PKD1L3: variants seen among roughly 807,000 people sequenced by gnomAD.
PKD1L3 encodes the protein polycystin 1 like 3, transient receptor potential channel interacting.
PKD1L3 carries 239 observed loss-of-function variants against 184.1 expected under a neutral mutation model. The observed-to-expected ratio is 1.30, with a 90% confidence interval of 1.17 to 1.45. The LOEUF (loss-of-function observed/expected upper bound fraction) is 1.45. PKD1L3 is among the 40% of genes most tolerant of loss of function. PKD1L3 has a pLI of 0.00. For missense variants in PKD1L3, 2,660 were observed against 2,067.2 expected, an observed-to-expected ratio of 1.29 and a Z score of -5.56; for synonymous variants, 996 against 778.8, an observed-to-expected ratio of 1.28 and a Z score of -4.64.
Position 71,990,320 on chromosome 16 carries a change from T to A in PKD1L3, c.545A>T (p.His182Leu). The change falls in exon 4 of 30, where the codon CAT becomes CTT. Residue 182 changes from histidine (H) to leucine (L), a missense_variant. Coordinates refer to ENST00000620267, the MANE Select transcript of PKD1L3 (RefSeq NM_181536.2). ...ARDKMPPGPG[H>L]LPTTCHYPLP... The stretch of plus-strand genomic sequence containing the variant: ...AGGATAGTGACATGTGGTTGGAAGA[T>A]GACCAGGTCCTATAGAAAAAAGAAA... 6.5e-7 allele frequency: 1 copy of A among 1,548,114 alleles called. No homozygotes were observed. The highest frequency in any genetic ancestry group is 8.7e-7 in the Non-Finnish European group (1 of 1,144,218).
chr16:71,954,205 G>T lies in PKD1L3; in HGVS notation c.2709C>A (p.Val903=), dbSNP rs1386435625. 1.3e-6 allele frequency: 2 copies of T among 1,551,794 alleles called. No individual in the cohort carries two copies. The highest frequency in any genetic ancestry group is 3.9e-5 in the Admixed American group (2 of 50,930). The change falls in exon 17 of 30, where the codon GTC becomes GTA. Residue 903 remains valine (V), a synonymous_variant. Coordinates refer to ENST00000620267, the MANE Select transcript of PKD1L3 (RefSeq NM_181536.2). ...GTGTCATGCAGCAAGACAGCCGTTG[G>T]ACCCTTGTAAACTGGTTCCAGGGAT... ...TRHPWNQFTR[V]QRLSCCMTLL...
At chr16:71,932,827 T>C (rs2038032626) in intron 28 of PKD1L3, among the ~76,000 whole-genome samples, 1 of 143,620 alleles carries the variant, frequency 7.0e-6, no homozygotes, top group Non-Finnish European at 1.5e-5. Context: ...ACATAGGGTC[T>C]GGAGTGTAGT....
At chr16:71,969,470 T>TA (rs2039627974) in intron 13 of PKD1L3, among the ~76,000 whole-genome samples, 1 of 120,854 alleles carries the variant, frequency 8.3e-6, no homozygotes, top group African/African-American at 3.4e-5. Flanking sequence ...CATGCCAGGC[T>TA]CTTTTTTTTT....
At chr16:71,932,026 A>T (rs2037992602) in intron 28 of PKD1L3, among the ~76,000 whole-genome samples, 1 of 152,148 alleles carries the variant, frequency 6.6e-6, no homozygotes, top group Non-Finnish European at 1.5e-5. Context: ...CTACAGGTAC[A>T]TGCTACCATG....
rs1272292504 is a variant in PKD1L3 at position 71,949,978 on chromosome 16, T to C, written c.3423A>G (p.Gly1141=). The C allele has an allele frequency of 8.4e-6, 13 of 1,551,364 alleles. No individual in the cohort carries two copies. The highest frequency in any genetic ancestry group is 3.9e-5 in the Admixed American group (2 of 50,880). The part of the protein sequence containing the change: ...TSFAILSSEE[G]KKPISNGLSK... ...ACAGGCCATTTGAGATGGGCTTTTT[T>C]CCTTCTTCTGAGCTCAGGATGGCAA... Residue 1141 remains glycine (G), a synonymous_variant, in exon 21 of 30, where the codon GGA becomes GGG. Transcript: ENST00000620267.
rs1453267974 is a variant in PKD1L3 at position 71,979,835 on chromosome 16, G to A, written c.1349C>T (p.Ala450Val). The A allele has an allele frequency of 1.9e-5, 29 of 1,518,046 alleles. No individual in the cohort carries two copies. The highest frequency in any genetic ancestry group is 2.5e-5 in the Non-Finnish European group (28 of 1,138,860). The allele number at this position is 1,518,046 out of a possible 1,614,324, so 94.0% of individuals were successfully genotyped here. The change falls in exon 9 of 30, where the codon GCT (alanine) becomes GTT (valine). Residue 450 changes from alanine (A) to valine (V), a missense_variant. Transcript: ENST00000620267. ...PAPVRLGFPS[A>V]LALKELLNKH... ...ATTCAAGAGCTCCTTCAAAGCTAAA[G>A]CCGACGGAAAGCCTAGCCTCACAGG...
At chr16:71,977,933 C>G (rs962898061) in intron 10 of PKD1L3, among the ~76,000 whole-genome samples, 4 of 152,054 alleles carry the variant, frequency 2.6e-5, no homozygotes, top group Admixed American at 1.3e-4. Flanking sequence ...CACTGCCATG[C>G]CAGTTAATTT....
intron 15 of PKD1L3, among the ~76,000 whole-genome samples, chr16:71,964,546 A>G (rs2039422944): frequency 6.6e-6 from 1 of 151,150 alleles, no homozygotes; most frequent in Non-Finnish European, 1.5e-5. Flanking sequence ...ACTGTGTTAT[A>G]GCCAGGATGG....
chr16:71,969,940 G>A lies in PKD1L3; in HGVS notation c.2119C>T (p.Leu707Phe). 2 of 1,551,870 alleles carry A rather than the reference G, an allele frequency of 1.3e-6. No individual in the cohort carries two copies. Among genetic ancestry groups the A allele is most frequent in the South Asian group, 2.4e-5 (2 of 84,054 alleles). ...NPVGVSLLAS[L>F]LGFYVITVVW... ...ACTGTGATCACATAAAATCCTAAAA[G>A]GCTGGCCAGCAGTGACACCCCAACA... is the stretch of plus-strand genomic sequence containing the variant. The change falls in exon 13 of 30, where the codon CTT (leucine) becomes TTT (phenylalanine). Residue 707 changes from leucine (L) to phenylalanine (F), a missense_variant. Coordinates refer to ENST00000620267, the MANE Select transcript of PKD1L3 (RefSeq NM_181536.2).
chr16:71,951,642 T>G lies in PKD1L3; in HGVS notation c.3112A>C (p.Lys1038Gln), dbSNP rs774565362. 34 of 1,551,674 alleles carry G rather than the reference T, an allele frequency of 2.2e-5. No homozygotes were observed. The highest frequency in any genetic ancestry group is 2.6e-5 in the Non-Finnish European group (30 of 1,147,018). ...GATGATACGAGGCTGGATAAAAGTT[T>G]CACCAGCTTAGTAATGTCCCAAGAA... is the stretch of plus-strand genomic sequence containing the variant. Reference protein sequence around the residue: ...WSSWDITKLVKLLSSLVSSHL... With the variant: ...WSSWDITKLVQLLSSLVSSHL... The change falls in exon 19 of 30, where the codon AAA (lysine) becomes CAA (glutamine). Residue 1038 changes from lysine to glutamine, a missense_variant. Physicochemically the swap from Lys to Gln is moderately conservative, Grantham distance 53. Coordinates refer to ENST00000620267, the MANE Select transcript of PKD1L3 (RefSeq NM_181536.2).
rs756906815 is a variant in PKD1L3 at position 71,935,478 on chromosome 16, C to G, written c.4493G>C (p.Gly1498Ala). Reference protein sequence around the residue: ...LKQQKWRFFTGKRNILDTSII... With the variant: ...LKQQKWRFFTAKRNILDTSII... Reference sequence around the variant, plus strand: ...ACTTGTGTCCAGAATGTTTCTTTTCCCAGTGAAGAACCTCCACTTCTGCTG... The same window carrying G: ...ACTTGTGTCCAGAATGTTTCTTTTCGCAGTGAAGAACCTCCACTTCTGCTG... The change falls in exon 26 of 30, where the codon GGG becomes GCG. Residue 1498 changes from glycine to alanine, a missense_variant. Gly to Ala is a moderately conservative substitution (Grantham distance 60). Transcript: ENST00000620267. 14 of 1,551,964 alleles carry G rather than the reference C, an allele frequency of 9.0e-6. No homozygotes were observed. The highest frequency in any genetic ancestry group is 1.7e-4 in the Middle Eastern group (1 of 6,018).
At chr16:71,978,101 G>C (rs914422855) in intron 10 of PKD1L3, among the ~76,000 whole-genome samples, 154 bp downstream of exon 10, 5 of 152,132 alleles carry the variant, frequency 3.3e-5, no homozygotes, top group African/African-American at 4.8e-5. Context: ...TAAGGATAAG[G>C]TGTATCTCTT....
intron 26 of PKD1L3, 111 bp from the exon 27 acceptor site, chr16:71,934,236 T>C: frequency 2.1e-6 from 2 of 968,096 alleles, no homozygotes; most frequent in Non-Finnish European, 3.1e-6. Context: ...TGAGGTCAAA[T>C]GCTTGTTGAT....
chr16:71,935,771 T>C (rs1317849836), intron 25 of PKD1L3, among the ~76,000 whole-genome samples: 1 of 152,210 alleles, frequency 6.6e-6, no homozygotes, highest in Non-Finnish European at 1.5e-5. Context: ...TCATAAACTG[T>C]CACTTAAAAA....
intron 25 of PKD1L3, among the ~76,000 whole-genome samples, chr16:71,936,294 C>T (rs1485192780): frequency 1.3e-5 from 2 of 151,084 alleles, no homozygotes; most frequent in Admixed American, 6.6e-5. Context: ...CAACCTCTGC[C>T]TCCCAGGTTC....
intron 12 of PKD1L3, among the ~76,000 whole-genome samples, chr16:71,970,946 A>G (rs2039687545): frequency 6.6e-6 from 1 of 152,234 alleles, no homozygotes; most frequent in South Asian, 2.1e-4. Flanking sequence ...AAAGCCTAAG[A>G]AGCATGCAAA....
At chr16:71,989,422 G>A (rs2040502353) in intron 4 of PKD1L3, among the ~76,000 whole-genome samples, 1 of 152,220 alleles carries the variant, frequency 6.6e-6, no homozygotes, top group South Asian at 2.1e-4. Context: ...CAAAGGGCTG[G>A]GATTACGGGC....
chr16:71,964,342 T>C (rs2039410281), intron 15 of PKD1L3, among the ~76,000 whole-genome samples: 1 of 75,996 alleles, frequency 1.3e-5, no homozygotes, highest in African/African-American at 5.5e-5. Flanking sequence ...TTTTTTTTTT[T>C]TTTTTTTTTT....
intron 17 of PKD1L3, among the ~76,000 whole-genome samples, chr16:71,953,354 C>T (rs2038921813): frequency 6.6e-6 from 1 of 152,080 alleles, no homozygotes; most frequent in Non-Finnish European, 1.5e-5. Flanking sequence ...AGTCTGTTTT[C>T]ACACTGCTAT....
Sources: gnomAD v4.1 joint callset for allele counts (sites outside exome capture counted in the v4.1 genomes callset) on GRCh38, gnomAD v4.1.1 for gene constraint, MANE v1.5 for transcripts, NCBI Gene and HGNC (gene_info 2026-07-23, HGNC 2026-07-21) for gene names.